Variants in SLC7A11 observed in about 807,000 individuals in gnomAD.
SLC7A11 encodes the protein solute carrier family 7 member 11.
In SLC7A11, 35 loss-of-function variants were observed where a neutral mutation model predicts 54.5. The ratio of observed to expected loss-of-function variants is 0.64; its 90% CI spans 0.49 to 0.85. SLC7A11 has a LOEUF of 0.85. Among genes scored for constraint, SLC7A11 ranks in the 40% least tolerant of loss-of-function variants. SLC7A11 has a pLI of 0.00. For synonymous variants in SLC7A11, 230 were observed against 225.2 expected (o/e 1.02, Z -0.19); for missense variants, 583 against 618.1 (o/e 0.94, Z 0.60).
intron 6 of SLC7A11, among the ~76,000 whole-genome samples, chr4:138,206,543 T>TA (rs1422265946): frequency 6.6e-6 from 1 of 151,542 alleles, no homozygotes; most frequent in Admixed American, 6.6e-5. Flanking sequence ...TCCTTACAAT[T>TA]AAAAAAAGAA....
At chr4:138,175,469 A>C (rs1372567610) in intron 11 of SLC7A11, among the ~76,000 whole-genome samples, 1 of 152,026 alleles carries the variant, frequency 6.6e-6, no homozygotes, top group Non-Finnish European at 1.5e-5. Flanking sequence ...AGGTCTTGCT[A>C]TCTTTGTGTA....
intron 6 of SLC7A11, among the ~76,000 whole-genome samples, chr4:138,199,739 C>A (rs961103869): frequency 1.3e-5 from 2 of 152,082 alleles, no homozygotes; most frequent in African/African-American, 4.8e-5. Flanking sequence ...ATCATAAACT[C>A]AATGGTTTGA....
intron 10 of SLC7A11, among the ~76,000 whole-genome samples, chr4:138,179,620 T>A (rs985377804): frequency 4.6e-5 from 7 of 152,192 alleles, no homozygotes; most frequent in Non-Finnish European, 1.0e-4. Flanking sequence ...AAATTGTTTT[T>A]AAATCTTTGG....
chr4:138,193,871 A>G (rs1213527250), intron 6 of SLC7A11, among the ~76,000 whole-genome samples: 1 of 152,208 alleles, frequency 6.6e-6, no homozygotes, highest in Non-Finnish European at 1.5e-5. Context: ...ATAGGTATGT[A>G]TGCACATATT....
chr4:138,206,400 T>G lies in SLC7A11; in HGVS notation c.791+8185A>C, dbSNP rs138870954. 1.5e-3 allele frequency among the ~76,000 whole-genome samples: 226 copies of G among 150,394 alleles called. 2 individuals carry two copies. The highest frequency in any genetic ancestry group is 5.3e-3 in the African/African-American group (219 of 41,178). On this transcript the variant is annotated intron_variant, in intron 6 of 11. Transcript: ENST00000280612. ...TGAGATTTATATATATATATATATA[T>G]AGCCTCAAAAGATTTATATATATTG... is the stretch of plus-strand genomic sequence containing the variant.
At chr4:138,226,058 AT>A (rs970401004) in intron 3 of SLC7A11, among the ~76,000 whole-genome samples, 3 of 152,138 alleles carry the variant, frequency 2.0e-5, no homozygotes, top group African/African-American at 7.2e-5. Context: ...GGTATTTGGG[AT>A]TTTAAAAAAT....
intron 6 of SLC7A11, among the ~76,000 whole-genome samples, chr4:138,210,993 C>T (rs1737531085): frequency 6.6e-6 from 1 of 151,994 alleles, no homozygotes; most frequent in Non-Finnish European, 1.5e-5. Context: ...ATGGAATCAA[C>T]TTTAGTTCCC....
Position 138,185,313 on chromosome 4 carries a change from A to G in SLC7A11, c.792-69T>C, listed in dbSNP as rs79005041. ...CCATTCTCTGATACCGAAGAAAATA[A>G]CAGGCTAATTCAAATGAAGAATATA... On this transcript the variant is annotated intron_variant, in intron 6 of 11. Transcript: ENST00000280612. 6,939 of 1,520,250 alleles carry G rather than the reference A, an allele frequency of 4.6e-3. 86 individuals are homozygous for G. The highest frequency in any genetic ancestry group is 0.042 in the East Asian group (1,865 of 43,940). The allele number at this position is 1,520,250 out of a possible 1,614,324, so 94.2% of individuals were successfully genotyped here.
rs752680028 is a variant in SLC7A11 at position 138,170,271 on chromosome 4, T to TATATATATATACACAC, written c.*1684_*1685insGTGTGTATATATATAT. 440 of 86,104 alleles carry TATATATATATACACAC rather than the reference T, an allele frequency of 5.1e-3. 5 individuals carry two copies. The highest frequency in any genetic ancestry group is 7.3e-3 in the Non-Finnish European group (323 of 44,226). 5.3% of individuals were successfully genotyped at this position (86,104 alleles called of 1,614,324 possible). A position where few individuals can be genotyped will look rare whatever the true frequency, so the allele number is the denominator to read the frequency against. On this transcript the variant is annotated 3_prime_UTR_variant, in exon 12 of 12. Transcript: ENST00000280612. ...GTGTGTATATATATATATATATATATACACACACACACACACACACACATA... is the reference window on the plus strand; with the variant it reads ...GTGTGTATATATATATATATATATATATATATATATACACACACACACACACACACACACACACATA...
chr4:138,182,222 AT>A lies in SLC7A11; in HGVS notation c.1116+74del, dbSNP rs112374675. The A allele has an allele frequency of 1.2e-3, 1,140 of 920,328 alleles. 6 individuals carry two copies. In the African/African-American group the frequency reaches 0.015, roughly 12 times the overall value. 57.0% of individuals were successfully genotyped at this position (920,328 alleles called of 1,614,324 possible). ...GAATGAGAAAGTAAAATACTATCTAATGTCTGGTTGGAATTCCTTTTTGCTA... is the reference window on the plus strand; with the variant it reads ...GAATGAGAAAGTAAAATACTATCTAAGTCTGGTTGGAATTCCTTTTTGCTA... On this transcript the variant is annotated intron_variant, in intron 9 of 11. Transcript: ENST00000280612.
At chr4:138,182,728 C>T (rs907630937) in intron 8 of SLC7A11, among the ~76,000 whole-genome samples, 6 of 152,014 alleles carry the variant, frequency 3.9e-5, no homozygotes, top group Admixed American at 3.9e-4. Flanking sequence ...ATTCAACAAA[C>T]ACACACACAT....
Position 138,166,402 on chromosome 4 carries a change from C to G in SLC7A11, c.*5554G>C, listed in dbSNP as rs1736257423. The G allele has an allele frequency of 6.6e-6, 1 of 152,300 alleles. No homozygotes were observed. The highest frequency in any genetic ancestry group is 1.5e-5 in the Non-Finnish European group (1 of 68,036). The allele number at this position is 152,300 out of a possible 1,614,324, so 9.4% of individuals were successfully genotyped here. On this transcript the variant is annotated 3_prime_UTR_variant, in exon 12 of 12. Coordinates refer to ENST00000280612, the MANE Select transcript of SLC7A11 (RefSeq NM_014331.4). ...GGTACTCAAAATACAGTCACCACTG[C>G]AAAAGAGATACCTGTGCATTACTCT...
At chr4:138,187,614 G>A (rs1208368718) in intron 6 of SLC7A11, among the ~76,000 whole-genome samples, 1 of 152,022 alleles carries the variant, frequency 6.6e-6, no homozygotes, top group Admixed American at 6.6e-5. Flanking sequence ...AATCATGGTT[G>A]TTTAATATAA....
intron 11 of SLC7A11, among the ~76,000 whole-genome samples, chr4:138,173,551 T>C (rs1736490160): frequency 6.6e-6 from 1 of 151,948 alleles, no homozygotes; most frequent in African/African-American, 2.4e-5. Flanking sequence ...GGAGAATCAC[T>C]TGAACCCAGG....
chr4:138,176,115 G>A (rs963697769), intron 11 of SLC7A11: 3 of 152,034 alleles, frequency 2.0e-5, no homozygotes, highest in African/African-American at 7.2e-5. Context: ...TGAGTGTTTT[G>A]TTTTGGCCAA....
At chr4:138,191,990 G>T (rs1308913790) in intron 6 of SLC7A11, among the ~76,000 whole-genome samples, 1 of 152,040 alleles carries the variant, frequency 6.6e-6, no homozygotes, top group Non-Finnish European at 1.5e-5. Context: ...TTACACTGAT[G>T]TTCAATTCTT....
Position 138,172,145 on chromosome 4 carries a change from GAATT to G in SLC7A11, c.1445-132_1445-129del, listed in dbSNP as rs1466723706. 44 of 942,662 alleles carry G rather than the reference GAATT, an allele frequency of 4.7e-5. 3 individuals carry two copies. In the South Asian group the frequency reaches 7.3e-4, roughly 16 times the overall value. The allele number at this position is 942,662 out of a possible 1,614,324, so 58.4% of individuals were successfully genotyped here. On this transcript the variant is annotated intron_variant, in intron 11 of 11. Coordinates refer to ENST00000280612, the MANE Select transcript of SLC7A11 (RefSeq NM_014331.4). ...TGTCTACTTCATAGAGCACTTTCAA[GAATT>G]ATTTACTTCATTAGAATTCTATCAT...
At chr4:138,193,084 C>T (rs918505481) in intron 6 of SLC7A11, among the ~76,000 whole-genome samples, 1 of 152,120 alleles carries the variant, frequency 6.6e-6, no homozygotes, top group Non-Finnish European at 1.5e-5. Flanking sequence ...CACAACCAGG[C>T]CCCATCACAT....
intron 6 of SLC7A11, among the ~76,000 whole-genome samples, chr4:138,194,337 T>C (rs562737952): frequency 3.3e-5 from 5 of 152,274 alleles, no homozygotes; most frequent in Admixed American, 2.6e-4. Context: ...AATGGAAATG[T>C]TGTGATCTTT....
Sources: allele counts gnomAD v4.1 joint callset (sites outside exome capture counted in the v4.1 genomes callset), GRCh38; gene constraint gnomAD v4.1.1; transcripts MANE v1.5; gene names NCBI Gene and HGNC (gene_info 2026-07-23, HGNC 2026-07-21).